The following NRXN3 variants were observed in gnomAD, a reference collection of about 807,000 sequenced individuals.
The protein encoded by NRXN3 is neurexin III.
In NRXN3, 32 loss-of-function variants were observed where a neutral mutation model predicts 137.6. The ratio of observed to expected loss-of-function variants is 0.23; its 90% CI spans 0.18 to 0.31. The LOEUF (loss-of-function observed/expected upper bound fraction) is 0.31, where lower values mean the gene tolerates loss of function less well. Ranked by LOEUF, NRXN3 falls within the 10% of genes least tolerant of loss-of-function variation. The probability of loss-of-function intolerance (pLI) is 1.00; values close to 1 mark genes in which losing one functional copy is unlikely to be tolerated. For missense variants in NRXN3, 1,574 were observed against 2,062.5 expected (o/e 0.76, Z 4.59); for synonymous variants, 798 against 784.5 (o/e 1.02, Z -0.29).
chr14:78,528,070 G>T (rs1485398798), intron 4 of NRXN3, among the ~76,000 whole-genome samples: 1 of 152,282 alleles, frequency 6.6e-6, no homozygotes, highest in East Asian at 1.9e-4. Flanking sequence ...ATTCACTTTT[G>T]TTATGATCCT....
intron 8 of NRXN3, among the ~76,000 whole-genome samples, chr14:78,733,594 C>T (rs2098527138): frequency 6.6e-6 from 1 of 152,084 alleles, no homozygotes; most frequent in Non-Finnish European, 1.5e-5. Context: ...TGTATTGTCT[C>T]CCAGAGAGAA....
intron 8 of NRXN3, among the ~76,000 whole-genome samples, chr14:78,759,333 A>G (rs892761446): frequency 2.0e-5 from 3 of 152,254 alleles, no homozygotes; most frequent in Non-Finnish European, 2.9e-5. Flanking sequence ...AACCAGGTGC[A>G]TTATATACGA....
chr14:78,991,295 G>A (rs939541868), intron 15 of NRXN3, among the ~76,000 whole-genome samples: 1 of 152,106 alleles, frequency 6.6e-6, no homozygotes, highest in African/African-American at 2.4e-5. Flanking sequence ...AACAGAAATG[G>A]GTCACAGCAT....
At chr14:78,212,194 G>A (rs1268972796) in intron 1 of NRXN3, among the ~76,000 whole-genome samples, 1 of 152,204 alleles carries the variant, frequency 6.6e-6, no homozygotes, top group Non-Finnish European at 1.5e-5. Context: ...GGTTCTCACT[G>A]GTGGTTTCAC....
Position 78,631,367 on chromosome 14 carries a change from A to C in NRXN3, c.758-13753A>C, listed in dbSNP as rs564763003. Reference sequence around the variant, plus strand: ...AAAGTGTGGTCAGAAACCTTGACCAACTGCTGATATGTACAAATATCACAA... The same window carrying C: ...AAAGTGTGGTCAGAAACCTTGACCACCTGCTGATATGTACAAATATCACAA... On this transcript the variant is annotated intron_variant, in intron 4 of 20. Coordinates refer to ENST00000335750, the MANE Select transcript of NRXN3 (RefSeq NM_001330195.2). Among the ~76,000 whole-genome samples the C allele has an allele frequency of 3.2e-4, 49 of 152,338 alleles. 1 individual carries two copies. The Middle Eastern group carries it at 0.027, about 85-fold the overall frequency.
chr14:78,855,174 A>C (rs557498384), intron 10 of NRXN3, among the ~76,000 whole-genome samples: 2,662 of 151,818 alleles, frequency 0.018, 81 homozygotes, highest in African/African-American at 0.061. Context: ...AAAAAAAAAA[A>C]ACATACAAAA....
intron 4 of NRXN3, among the ~76,000 whole-genome samples, chr14:78,468,016 C>T (rs914763671): frequency 6.6e-6 from 1 of 152,092 alleles, no homozygotes; most frequent in East Asian, 1.9e-4. Flanking sequence ...CTCCGCCTCC[C>T]AGGTTCAAGC....
At chr14:79,534,766 T>C (rs1368904427) in intron 16 of NRXN3, among the ~76,000 whole-genome samples, 5 of 152,138 alleles carry the variant, frequency 3.3e-5, no homozygotes, top group Admixed American at 2.6e-4. Flanking sequence ...GAGTACATAA[T>C]AGAAACGTGG....
At chr14:79,772,965 A>C (rs1401480101) in intron 19 of NRXN3, among the ~76,000 whole-genome samples, 1 of 152,220 alleles carries the variant, frequency 6.6e-6, no homozygotes, top group East Asian at 1.9e-4. Flanking sequence ...AAAGTGGGCA[A>C]AGGATATGAA....
chr14:78,397,390 T>G (rs2091574203), intron 4 of NRXN3, among the ~76,000 whole-genome samples: 1 of 152,142 alleles, frequency 6.6e-6, no homozygotes, highest in Admixed American at 6.5e-5. Context: ...GTAATGTCTA[T>G]CTTCCAATTA....
intron 1 of NRXN3, among the ~76,000 whole-genome samples, chr14:78,223,611 G>A (rs1425533996): frequency 6.6e-6 from 1 of 152,186 alleles, no homozygotes; most frequent in African/African-American, 2.4e-5. Context: ...TCAGCGTTGG[G>A]TTGTGCCTGT....
chr14:79,135,050 A>G (rs2058078536), intron 15 of NRXN3, among the ~76,000 whole-genome samples: 1 of 152,160 alleles, frequency 6.6e-6, no homozygotes, highest in African/African-American at 2.4e-5. Flanking sequence ...GATAATTTTT[A>G]CTCTCTCTTG....
At chr14:79,052,807 C>T (rs1486442134) in intron 15 of NRXN3, among the ~76,000 whole-genome samples, 2 of 152,168 alleles carry the variant, frequency 1.3e-5, no homozygotes, top group Non-Finnish European at 1.5e-5. Context: ...CTGCTGAGAG[C>T]CCATATCTGC....
chr14:78,598,096 T>C (rs2152426317), intron 4 of NRXN3, among the ~76,000 whole-genome samples: 1 of 152,328 alleles, frequency 6.6e-6, no homozygotes, highest in Middle Eastern at 3.4e-3. Context: ...GATTCTGCAT[T>C]CCTCATTTTC....
chr14:79,268,998 ACT>A (rs927414293), intron 15 of NRXN3, among the ~76,000 whole-genome samples: 1 of 149,416 alleles, frequency 6.7e-6, no homozygotes, highest in African/African-American at 2.5e-5. Context: ...GTGGTTATTA[ACT>A]CTCTCTCATG....
intron 16 of NRXN3, among the ~76,000 whole-genome samples, chr14:79,639,285 C>T (rs1567747030): frequency 6.6e-6 from 1 of 152,122 alleles, no homozygotes; most frequent in Non-Finnish European, 1.5e-5. Context: ...TGTCACCGGG[C>T]TTTGCTCTAC....
chr14:78,841,293 G>C (rs113363127), intron 10 of NRXN3, among the ~76,000 whole-genome samples: 1 of 151,880 alleles, frequency 6.6e-6, no homozygotes, highest in Non-Finnish European at 1.5e-5. Flanking sequence ...TGATGATGAT[G>C]ATTATTATTA....
intron 4 of NRXN3, among the ~76,000 whole-genome samples, chr14:78,445,279 T>C (rs530421933): frequency 1.3e-5 from 2 of 152,320 alleles, no homozygotes; most frequent in South Asian, 4.1e-4. Flanking sequence ...TCCTAGTTCT[T>C]GATCTACTAG....
chr14:78,432,300 G>GTTTT (rs3037827), intron 4 of NRXN3, among the ~76,000 whole-genome samples: 3 of 142,536 alleles, frequency 2.1e-5, no homozygotes, highest in Admixed American at 7.0e-5. Flanking sequence ...CTGCACTCAG[G>GTTTT]TTTTTTTTTT....
Sources: gnomAD v4.1 joint callset for allele counts (sites outside exome capture counted in the v4.1 genomes callset) on GRCh38, gnomAD v4.1.1 for gene constraint, MANE v1.5 for transcripts, NCBI Gene and HGNC (gene_info 2026-07-23, HGNC 2026-07-21) for gene names.